Variants in POMP observed in about 807,000 individuals in gnomAD.
POMP encodes proteasome maturation protein, also known as 2510048O06Rik.
In POMP, 12 loss-of-function variants were observed where a neutral mutation model predicts 20.6. That is an observed-to-expected ratio of 0.58 (90% CI 0.37 to 0.94). POMP has a LOEUF of 0.94. Among genes scored for constraint, POMP ranks in the 40% least tolerant of loss-of-function variants. POMP has a pLI of 0.01. For synonymous variants in POMP, 53 were observed against 55.0 expected (o/e 0.96, Z 0.16); for missense variants, 136 against 161.1 (o/e 0.84, Z 0.84).
intron 5 of POMP, among the ~76,000 whole-genome samples, chr13:28,672,956 G>T (rs942268726): frequency 2.0e-5 from 3 of 151,756 alleles, no homozygotes; most frequent in South Asian, 2.1e-4. Context: ...TGATTTTGGG[G>T]TTTTTTGACT....
rs374938538 is a variant in POMP, at chr13:28,678,099, G to A, written c.423G>A (p.Leu141=). 8.1e-6 allele frequency: 13 copies of A among 1,613,374 alleles called. No homozygotes were observed. The highest frequency in any genetic ancestry group is 1.1e-5 in the South Asian group (1 of 91,078). Residue 141 remains leucine, a synonymous_variant, in exon 6 of 6, where the codon CTG becomes CTA. Coordinates refer to ENST00000380842, the MANE Select transcript of POMP (RefSeq NM_015932.6). Reference sequence around the variant, plus strand: ...TGGTGGAATATAAACTTGGTTTACTGTAATAGTGTGCTGTTCATGGAAACC... The same window carrying A: ...TGGTGGAATATAAACTTGGTTTACTATAATAGTGTGCTGTTCATGGAAACC... ...HLMVEYKLGL[L]
chr13:28,668,504 C>T lies in POMP; in HGVS notation c.194C>T (p.Ser65Phe). The T allele has an allele frequency of 6.8e-6, 11 of 1,612,058 alleles. No individual in the cohort carries two copies. Among genetic ancestry groups the T allele is most frequent in the Non-Finnish European group, 8.5e-6 (10 of 1,178,268 alleles). ...FQLNQDKMNF[S>F]TLRNIQGLFA... Reference sequence around the variant, plus strand: ...CTCAACCAAGATAAAATGAATTTTTCCACACTGAGAAACATTCAGGGTCTA... The same window carrying T: ...CTCAACCAAGATAAAATGAATTTTTTCACACTGAGAAACATTCAGGGTCTA... The change falls in exon 4 of 6, where the codon TCC becomes TTC. Residue 65 changes from serine to phenylalanine, a missense_variant. Ser to Phe is a radical substitution (Grantham distance 155). Coordinates refer to ENST00000380842, the MANE Select transcript of POMP (RefSeq NM_015932.6).
chr13:28,663,482 G>C (rs1265468088), intron 2 of POMP, among the ~76,000 whole-genome samples: 1 of 152,014 alleles, frequency 6.6e-6, no homozygotes, highest in African/African-American at 2.4e-5. Context: ...GGCTAATTTT[G>C]TATTTTTAGT....
At position 28,672,393 on chromosome 13, in the gene POMP, G is replaced by A; in HGVS notation, c.319G>A (p.Gly107Ser). 1 of 1,609,606 alleles carries A rather than the reference G, an allele frequency of 6.2e-7. No homozygotes were observed. Among genetic ancestry groups the A allele is most frequent in the Non-Finnish European group, 8.5e-7 (1 of 1,176,034 alleles). ...SSNLSLDVLR[G>S]NDETIGFEDI... ...AAATCTTTCACTGGATGTTTTGAGG[G>A]GTAATGATGAGACTATTGGATTTGA... Residue 107 changes from glycine to serine, a missense_variant, in exon 5 of 6, where the codon GGT becomes AGT. By Grantham distance (56) the Gly-to-Ser change is moderately conservative. Transcript: ENST00000380842.
chr13:28,666,943 G>A (rs965053458), intron 3 of POMP, among the ~76,000 whole-genome samples: 2 of 152,280 alleles, frequency 1.3e-5, no homozygotes, highest in South Asian at 4.1e-4. Context: ...ATGGGGTAGA[G>A]GCCAGGGATG....
At chr13:28,662,760 T>G (rs1884368570) in intron 2 of POMP, among the ~76,000 whole-genome samples, 2 of 152,178 alleles carry the variant, frequency 1.3e-5, no homozygotes, top group African/African-American at 4.8e-5. Context: ...GTAGGATTCT[T>G]TTTATTTATT....
intron 5 of POMP, among the ~76,000 whole-genome samples, chr13:28,674,402 G>A (rs758909138): frequency 1.3e-5 from 2 of 152,198 alleles, no homozygotes; most frequent in Non-Finnish European, 2.9e-5. Context: ...CAGTAAACCT[G>A]CCTGTCCTGT....
chr13:28,659,978 A>C (rs1029054523), intron 1 of POMP: 3 of 152,216 alleles, frequency 2.0e-5, no homozygotes, highest in African/African-American at 7.2e-5. Context: ...TGTAACTAGT[A>C]GTTAGGTTTT....
intron 4 of POMP, among the ~76,000 whole-genome samples, chr13:28,670,580 C>T (rs1404614961): frequency 6.6e-6 from 1 of 152,200 alleles, no homozygotes; most frequent in Admixed American, 6.5e-5. Flanking sequence ...AAACCCAACA[C>T]TTAGTGTGGC....
intron 5 of POMP, among the ~76,000 whole-genome samples, chr13:28,674,970 T>G (rs1256128765): frequency 1.6e-4 from 24 of 152,074 alleles, no homozygotes; most frequent in East Asian, 1.9e-4. Context: ...GCCCAGGAAT[T>G]TGAGGCCACA....
intron 5 of POMP, among the ~76,000 whole-genome samples, chr13:28,675,005 C>T (rs187787085): frequency 1.8e-3 from 277 of 152,242 alleles, no homozygotes; most frequent in Middle Eastern, 6.8e-3. Context: ...CACCAGTGTA[C>T]TCCAGCCTGG....
At chr13:28,674,521 G>A (rs1403044210) in intron 5 of POMP, among the ~76,000 whole-genome samples, 1 of 152,214 alleles carries the variant, frequency 6.6e-6, no homozygotes, top group Non-Finnish European at 1.5e-5. Flanking sequence ...ATAGAGAACT[G>A]TCTCCCAGCA....
intron 4 of POMP, 135 bp from the exon 5 acceptor site, chr13:28,672,204 C>A: frequency 2.8e-6 from 2 of 718,644 alleles, no homozygotes; most frequent in Non-Finnish European, 5.0e-6. Flanking sequence ...TGTTTTTTTC[C>A]ACTTGTTAAA....
intron 5 of POMP, 48 bp downstream of exon 5, chr13:28,672,480 G>A (rs772885598): frequency 2.9e-6 from 4 of 1,380,662 alleles, no homozygotes; most frequent in Non-Finnish European, 4.1e-6. Flanking sequence ...AATTTAAAAG[G>A]CAAACAGCTG....
intron 1 of POMP, 126 bp downstream of exon 1, chr13:28,659,313 C>T (rs1197165538): frequency 2.1e-6 from 3 of 1,452,108 alleles, no homozygotes; most frequent in East Asian, 2.5e-5. Context: ...CTGAGGCCGG[C>T]CTCAGGCGCC....
intron 5 of POMP, among the ~76,000 whole-genome samples, chr13:28,672,862 T>TA: frequency 6.6e-6 from 1 of 152,196 alleles, no homozygotes; most frequent in Non-Finnish European, 1.5e-5. Context: ...CAGTCTGATA[T>TA]TCCTAGGGTG....
At chr13:28,675,045 TAAA>T (rs1884606433) in intron 5 of POMP, among the ~76,000 whole-genome samples, 1 of 151,672 alleles carries the variant, frequency 6.6e-6, no homozygotes. Flanking sequence ...TCTCAAAAAA[TAAA>T]AAATAAGCCA....
chr13:28,659,178 G>A lies in POMP; in HGVS notation c.-7G>A, dbSNP rs1884286136. The stretch of plus-strand genomic sequence containing the variant: ...GGGCAGAGAGGCTGTTCGCAGAGCT[G>A]CGGAAGATGGTGAGTGGGTACCCGG... On this transcript the variant is annotated 5_prime_UTR_variant, in exon 1 of 6. Coordinates refer to ENST00000380842, the MANE Select transcript of POMP (RefSeq NM_015932.6). 2 of 1,588,018 alleles carry A rather than the reference G, an allele frequency of 1.3e-6. No individual in the cohort carries two copies. Among genetic ancestry groups the A allele is most frequent in the Non-Finnish European group, 1.7e-6 (2 of 1,168,302 alleles).
rs76349956 is a variant in POMP at position 28,671,782 on chromosome 13, C to T, written c.265-557C>T. ...TGGGGGGAATGTGAGAAACTGCCCT[C>T]TTAGATTCTAACGGTGTGATTATCT... On this transcript the variant is annotated intron_variant, in intron 4 of 5. Coordinates refer to ENST00000380842, the MANE Select transcript of POMP (RefSeq NM_015932.6). Among the ~76,000 whole-genome samples, 1,382 of 152,206 alleles carry T rather than the reference C, an allele frequency of 9.1e-3. 10 individuals carry two copies. Among genetic ancestry groups the T allele is most frequent in the Non-Finnish European group, 0.014 (966 of 68,004 alleles).
Sources: gnomAD v4.1 joint callset for allele counts (sites outside exome capture counted in the v4.1 genomes callset) on GRCh38, gnomAD v4.1.1 for gene constraint, MANE v1.5 for transcripts, NCBI Gene and HGNC (gene_info 2026-07-23, HGNC 2026-07-21) for gene names.